SCRN1: variants seen among roughly 807,000 people sequenced by gnomAD.
The protein encoded by SCRN1 is secernin 1.
A neutral mutation model predicts 43.3 loss-of-function variants in SCRN1; 19 were observed. The observed-to-expected ratio is 0.44, with a 90% confidence interval of 0.31 to 0.64. The LOEUF (loss-of-function observed/expected upper bound fraction) is 0.64. Among genes scored for constraint, SCRN1 ranks in the 30% least tolerant of loss-of-function variants. The probability of loss-of-function intolerance (pLI) is 0.09; values close to 1 mark genes in which losing one functional copy is unlikely to be tolerated. For synonymous variants in SCRN1, 183 were observed against 188.9 expected (o/e 0.97, Z 0.26); for missense variants, 447 against 524.1 (o/e 0.85, Z 1.44).
chr7:29,961,836 C>A (rs953434961), intron 2 of SCRN1, among the ~76,000 whole-genome samples: 9 of 152,176 alleles, frequency 5.9e-5, no homozygotes, highest in Non-Finnish European at 1.2e-4. Context: ...CTGACCCCCC[C>A]ACTGGAGGAT....
In SCRN1 at chr7:29,921,926, G is replaced by T. The variant is rs1052766252; in HGVS notation, c.*2031C>A. 20 of 152,216 alleles carry T rather than the reference G, an allele frequency of 1.3e-4. No homozygotes were observed. Among genetic ancestry groups the T allele is most frequent in the Admixed American group, 1.0e-3 (16 of 15,286 alleles). 9.4% of individuals were successfully genotyped at this position (152,216 alleles called of 1,614,324 possible). A position where few individuals can be genotyped will look rare whatever the true frequency, so the allele number is the denominator to read the frequency against. ...GAGACATTTCATAGTAGGCGAAGGT[G>T]AAATCACTCAGTGAGATTTTAGAGC... On this transcript the variant is annotated 3_prime_UTR_variant, in exon 8 of 8. Transcript: ENST00000242059.
At position 29,940,751 on chromosome 7, in the gene SCRN1, C is replaced by G. The variant is rs775045104; in HGVS notation, c.670G>C (p.Glu224Gln). 1.2e-6 allele frequency: 2 copies of G among 1,608,458 alleles called. No homozygotes were observed. Among genetic ancestry groups the G allele is most frequent in the Non-Finnish European group, 1.7e-6 (2 of 1,178,544 alleles). ...WTGEGEFNFS[E>Q]VFSPVEDHLD... ...TGATCCTCAACTGGAGAAAAGACTTCGGAAAAATTGAACTCGCCCTCTCCC... is the reference window on the plus strand; with the variant it reads ...TGATCCTCAACTGGAGAAAAGACTTGGGAAAAATTGAACTCGCCCTCTCCC... The change falls in exon 5 of 8, where the codon GAA becomes CAA. Residue 224 changes from glutamate to glutamine, a missense_variant. Glu to Gln is a conservative substitution (Grantham distance 29). Transcript: ENST00000242059.
intron 1 of SCRN1, among the ~76,000 whole-genome samples, chr7:29,974,156 T>G (rs1251244500): frequency 6.6e-6 from 1 of 152,244 alleles, no homozygotes; most frequent in Non-Finnish European, 1.5e-5. Context: ...GTATTTTTAC[T>G]GATATAATCC....
At chr7:29,979,637 T>C (rs561479445) in intron 1 of SCRN1, among the ~76,000 whole-genome samples, 18 of 152,354 alleles carry the variant, frequency 1.2e-4, no homozygotes, top group African/African-American at 4.3e-4. Flanking sequence ...TCCACCCCGC[T>C]GTGCATTCAA....
intron 1 of SCRN1, chr7:29,969,346 A>G (rs1788596990): frequency 2.3e-6 from 1 of 438,000 alleles, no homozygotes; most frequent in Non-Finnish European, 4.2e-6. Flanking sequence ...TGTGGGAGAA[A>G]GGAAAGGAGG....
chr7:29,954,209 T>C (rs1010103765), intron 3 of SCRN1, among the ~76,000 whole-genome samples: 1 of 152,124 alleles, frequency 6.6e-6, no homozygotes, highest in Admixed American at 6.5e-5. Flanking sequence ...AGCAGGTTCC[T>C]TCTGCTGTGT....
upstream of SCRN1, chr7:29,990,100 G>C: frequency 6.5e-7 from 1 of 1,546,070 alleles, no homozygotes. Context: ...CATCCTTTTG[G>C]CGCCTCTTCC....
chr7:29,926,714 C>T, intron 6 of SCRN1, 82 bp from the exon 7 acceptor site: 1 of 1,124,450 alleles, frequency 8.9e-7, no homozygotes, highest in African/African-American at 1.6e-5. Flanking sequence ...ATTCAGCAAA[C>T]ATTTCCCAAG....
At chr7:29,940,597 C>T in intron 5 of SCRN1, 85 bp downstream of exon 5, 5 of 1,300,376 alleles carry the variant, frequency 3.8e-6, no homozygotes, top group Non-Finnish European at 5.3e-6. Context: ...TTTTTGTTCA[C>T]CCTTCTAAGT....
At chr7:29,946,210 G>C (rs1457631697) in intron 3 of SCRN1, among the ~76,000 whole-genome samples, 3 of 152,212 alleles carry the variant, frequency 2.0e-5, no homozygotes, top group East Asian at 3.8e-4. Context: ...CCCACTAGAA[G>C]ACTGAATTCA....
At position 29,957,314 on chromosome 7, in the gene SCRN1, C is replaced by T. The variant is rs144728842; in HGVS notation, c.160-1954G>A. ...GCAAAGGCGCGCACACAAATTCCTA[C>T]GAGCCCAGGCCAGCTTCAGTGTCTC... On this transcript the variant is annotated intron_variant, in intron 2 of 7. Transcript: ENST00000242059. 2.0e-3 allele frequency among the ~76,000 whole-genome samples: 303 copies of T among 152,338 alleles called. 3 individuals carry two copies. Among genetic ancestry groups the T allele is most frequent in the Non-Finnish European group, 3.3e-3 (222 of 68,036 alleles).
chr7:29,944,028 C>T lies in SCRN1; in HGVS notation c.493G>A (p.Ala165Thr), dbSNP rs1787647379. The part of the protein sequence containing the change: ...SAYLIVDRDE[A>T]WVLETIGKYW... ...TTCCCTATGGTCTCGAGCACCCAGG[C>T]TTCATCACGATCCACAATCAGATAT... is the stretch of plus-strand genomic sequence containing the variant. The change falls in exon 4 of 8, where the codon GCC (alanine) becomes ACC (threonine). Residue 165 changes from alanine (A) to threonine (T), a missense_variant. Transcript: ENST00000242059. 6.2e-7 allele frequency: 1 copy of T among 1,614,096 alleles called. No individual in the cohort carries two copies. Among genetic ancestry groups the T allele is most frequent in the Non-Finnish European group, 8.5e-7 (1 of 1,180,058 alleles).
intron 2 of SCRN1, 151 bp from the exon 3 acceptor site, chr7:29,955,511 A>G (rs1788108694): frequency 1.4e-6 from 1 of 706,812 alleles, no homozygotes; most frequent in Non-Finnish European, 2.3e-6. Flanking sequence ...AGTCTTCACA[A>G]TGCAGCTCAA....
chr7:29,928,417 T>A (rs1359613968), intron 6 of SCRN1, among the ~76,000 whole-genome samples: 2 of 152,120 alleles, frequency 1.3e-5, no homozygotes, highest in Non-Finnish European at 2.9e-5. Context: ...GAGTCTCAAG[T>A]GAGAAAAGAA....
chr7:29,990,096 T>C (rs1789320304), upstream of SCRN1: 1 of 1,545,996 alleles, frequency 6.5e-7, no homozygotes, highest in Admixed American at 2.0e-5. Flanking sequence ...CCAGCATCCT[T>C]TTGGCGCCTC....
intron 2 of SCRN1, among the ~76,000 whole-genome samples, chr7:29,964,408 C>T (rs1357601322): frequency 6.9e-6 from 1 of 145,050 alleles, no homozygotes; most frequent in Admixed American, 7.1e-5. Context: ...TTAAAAAAGC[C>T]AATCTGAAAA....
At chr7:29,978,637 C>G (rs1444552136) in intron 1 of SCRN1, among the ~76,000 whole-genome samples, 1 of 152,074 alleles carries the variant, frequency 6.6e-6, no homozygotes, top group Non-Finnish European at 1.5e-5. Context: ...TACACAACAT[C>G]GCATGGTGTT....
intron 1 of SCRN1, among the ~76,000 whole-genome samples, chr7:29,979,691 A>G (rs1788941809): frequency 6.6e-6 from 1 of 152,196 alleles, no homozygotes; most frequent in Non-Finnish European, 1.5e-5. Flanking sequence ...ATGCACATCT[A>G]TCATGTAAGA....
chr7:29,980,346 C>A (rs1471633796), intron 1 of SCRN1, among the ~76,000 whole-genome samples: 1 of 152,028 alleles, frequency 6.6e-6, no homozygotes, highest in Admixed American at 6.6e-5. Flanking sequence ...CTTTCATTTC[C>A]TTCTGTTCTT....
Sources: gnomAD v4.1 joint callset for allele counts (sites outside exome capture counted in the v4.1 genomes callset) on GRCh38, gnomAD v4.1.1 for gene constraint, MANE v1.5 for transcripts, NCBI Gene and HGNC (gene_info 2026-07-23, HGNC 2026-07-21) for gene names.